Variants in TMPRSS11E observed in about 807,000 individuals in gnomAD.
The protein encoded by TMPRSS11E is transmembrane protease serine 11E.
TMPRSS11E carries 38 observed loss-of-function variants against 48.1 expected under a neutral mutation model. The ratio of observed to expected loss-of-function variants is 0.79; its 90% CI spans 0.61 to 1.04. The LOEUF (loss-of-function observed/expected upper bound fraction) is 1.04, where lower values mean the gene tolerates loss of function less well. TMPRSS11E is among the 50% of genes least tolerant of loss of function. The probability of loss-of-function intolerance (pLI) is 0.00; values close to 1 mark genes in which losing one functional copy is unlikely to be tolerated. For synonymous variants in TMPRSS11E, 158 were observed against 171.9 expected, an observed-to-expected ratio of 0.92 and a Z score of 0.63; for missense variants, 530 against 510.8, an observed-to-expected ratio of 1.04 and a Z score of -0.36.
Position 68,486,381 on chromosome 4 carries a change from C to T in TMPRSS11E, c.1110+7390C>T, listed in dbSNP as rs1437049895. Among the ~76,000 whole-genome samples, 7 of 152,146 alleles carry T rather than the reference C, an allele frequency of 4.6e-5. No individual in the cohort carries two copies. The East Asian group carries it at 1.3e-3, about 29-fold the overall frequency. Reference sequence around the variant, plus strand: ...TTTCAAAGAATTTCTTGCTTTCTGTCTTAATTTCATTCTTTACTCAAAAGA... The same window carrying T: ...TTTCAAAGAATTTCTTGCTTTCTGTTTTAATTTCATTCTTTACTCAAAAGA... On this transcript the variant is annotated intron_variant, in intron 9 of 9. Coordinates refer to ENST00000305363, the MANE Select transcript of TMPRSS11E (RefSeq NM_014058.4).
At chr4:68,469,000 G>A (rs1486956250) in intron 4 of TMPRSS11E, 54 bp downstream of exon 4, 1 of 1,279,374 alleles carries the variant, frequency 7.8e-7, no homozygotes, top group Non-Finnish European at 1.1e-6. Context: ...CTGTTAATCT[G>A]CTCAGCAATA....
At chr4:68,480,647 C>G (rs1434672011) in intron 9 of TMPRSS11E, among the ~76,000 whole-genome samples, 1 of 152,064 alleles carries the variant, frequency 6.6e-6, no homozygotes, top group East Asian at 1.9e-4. Context: ...TGTTGATTGC[C>G]TTTTCTCATT....
chr4:68,493,475 T>G (rs914726628), intron 9 of TMPRSS11E, among the ~76,000 whole-genome samples: 35 of 152,182 alleles, frequency 2.3e-4, no homozygotes, highest in Middle Eastern at 3.4e-3. Flanking sequence ...CCCATTTTTT[T>G]GGGGGGGAGG....
At position 68,476,309 on chromosome 4, in the gene TMPRSS11E, TTGG is replaced by T. The variant is rs1285780834; in HGVS notation, c.582_584del (p.Gly195del). The T allele has an allele frequency of 6.2e-7, 1 of 1,614,130 alleles. No individual in the cohort carries two copies. Reference sequence around the variant, plus strand: ...ACTCTAGGTCAGAGTCTCAGGATCGTTGGTGGGACAGAAGTAGAAGAGGGTGAA... The same window carrying T: ...ACTCTAGGTCAGAGTCTCAGGATCGTTGGGACAGAAGTAGAAGAGGGTGAA... On this transcript the variant is annotated inframe_deletion, in exon 7 of 10. Transcript: ENST00000305363.
chr4:68,458,652 C>T (rs1728702619), intron 1 of TMPRSS11E, among the ~76,000 whole-genome samples: 1 of 151,932 alleles, frequency 6.6e-6, no homozygotes, highest in Admixed American at 6.6e-5. Context: ...ATACTTTTTT[C>T]ACATCTAATT....
intron 5 of TMPRSS11E, 63 bp downstream of exon 5, chr4:68,471,686 C>T (rs898618196): frequency 7.4e-7 from 1 of 1,351,522 alleles, no homozygotes; most frequent in African/African-American, 1.5e-5. Context: ...GATCTTGGCA[C>T]TTATTAAAAA....
At chr4:68,496,438 G>A (rs1489825300) in intron 9 of TMPRSS11E, among the ~76,000 whole-genome samples, 1 of 151,950 alleles carries the variant, frequency 6.6e-6, no homozygotes, top group Non-Finnish European at 1.5e-5. Flanking sequence ...AAGGTTTCAA[G>A]GTTTCAATCT....
chr4:68,488,631 C>T (rs543398178), intron 9 of TMPRSS11E, among the ~76,000 whole-genome samples: 17 of 152,220 alleles, frequency 1.1e-4, no homozygotes, highest in South Asian at 8.3e-4. Context: ...CTCCGCCTCC[C>T]GGGTTAATGC....
intron 9 of TMPRSS11E, among the ~76,000 whole-genome samples, chr4:68,487,636 A>G (rs940528036): frequency 2.0e-5 from 3 of 151,978 alleles, no homozygotes; most frequent in African/African-American, 4.8e-5. Context: ...TTCCCTTAAC[A>G]TTTGCTTGTC....
chr4:68,490,076 A>G (rs189849059), intron 9 of TMPRSS11E, among the ~76,000 whole-genome samples: 1 of 152,030 alleles, frequency 6.6e-6, no homozygotes, highest in East Asian at 1.9e-4. Flanking sequence ...TGAGTTGGCC[A>G]CTCCATGACC....
chr4:68,478,420 A>C (rs1729300264), intron 8 of TMPRSS11E, among the ~76,000 whole-genome samples: 1 of 135,950 alleles, frequency 7.4e-6, no homozygotes. Flanking sequence ...CTGGGATTAC[A>C]GGTGTAAGCC....
chr4:68,485,310 C>T (rs1165490750), intron 9 of TMPRSS11E, among the ~76,000 whole-genome samples: 3 of 151,982 alleles, frequency 2.0e-5, no homozygotes, highest in Admixed American at 1.3e-4. Flanking sequence ...CCATGCCTGG[C>T]TAATTTTTGT....
intron 9 of TMPRSS11E, among the ~76,000 whole-genome samples, chr4:68,481,971 G>A (rs1029134403): frequency 2.0e-5 from 3 of 152,024 alleles, no homozygotes; most frequent in Non-Finnish European, 1.5e-5. Context: ...ACAAAACCAA[G>A]TAAACAAAAA....
chr4:68,462,070 G>A, intron 2 of TMPRSS11E, 125 bp downstream of exon 2: 2 of 1,183,338 alleles, frequency 1.7e-6, no homozygotes, highest in Non-Finnish European at 2.4e-6. Flanking sequence ...TGTACAAAGG[G>A]ATCTTTACCT....
At chr4:68,492,144 T>A (rs1475216817) in intron 9 of TMPRSS11E, among the ~76,000 whole-genome samples, 1 of 152,216 alleles carries the variant, frequency 6.6e-6, no homozygotes, top group Non-Finnish European at 1.5e-5. Flanking sequence ...TACTAAAAAT[T>A]CCTTCCTAAC....
At chr4:68,489,913 C>G (rs1463203833) in intron 9 of TMPRSS11E, among the ~76,000 whole-genome samples, 1 of 152,230 alleles carries the variant, frequency 6.6e-6, no homozygotes, top group African/African-American at 2.4e-5. Context: ...CCATGCCATG[C>G]TCTGCTGTAG....
intron 1 of TMPRSS11E, among the ~76,000 whole-genome samples, chr4:68,460,220 T>C (rs1361349173): frequency 6.6e-6 from 1 of 152,190 alleles, no homozygotes; most frequent in African/African-American, 2.4e-5. Flanking sequence ...TCTATGCCAA[T>C]GCTCTTTATT....
intron 2 of TMPRSS11E, among the ~76,000 whole-genome samples, chr4:68,462,514 C>T (rs888478650): frequency 2.7e-5 from 4 of 147,882 alleles, no homozygotes; most frequent in Non-Finnish European, 6.0e-5. Context: ...ACCCAGGAGG[C>T]GGAGGTTTCA....
intron 1 of TMPRSS11E, among the ~76,000 whole-genome samples, chr4:68,453,584 A>G (rs994973751): frequency 3.9e-5 from 6 of 151,942 alleles, no homozygotes; most frequent in Non-Finnish European, 7.4e-5. Context: ...TTTCACATAT[A>G]CAGAATTTGC....
Sources: allele counts gnomAD v4.1 joint callset (sites outside exome capture counted in the v4.1 genomes callset), GRCh38; gene constraint gnomAD v4.1.1; transcripts MANE v1.5; gene names NCBI Gene and HGNC (gene_info 2026-07-23, HGNC 2026-07-21).